SLC25A21: variants seen among roughly 807,000 people sequenced by gnomAD.
SLC25A21 encodes mitochondrial 2-oxodicarboxylate carrier.
SLC25A21 carries 47 observed loss-of-function variants against 43.8 expected under a neutral mutation model. The ratio of observed to expected loss-of-function variants is 1.07; its 90% CI spans 0.85 to 1.37. SLC25A21 has a LOEUF of 1.37. Ranked by LOEUF, SLC25A21 falls within the 40% of genes most tolerant of loss-of-function variation. SLC25A21 has a pLI of 0.00. For synonymous variants in SLC25A21, 131 were observed against 121.3 expected (o/e 1.08, Z -0.52); for missense variants, 352 against 350.2 (o/e 1.00, Z -0.04).
At chr14:37,086,471 T>C (rs1312386995) in intron 1 of SLC25A21, among the ~76,000 whole-genome samples, 4 of 152,176 alleles carry the variant, frequency 2.6e-5, no homozygotes, top group Admixed American at 2.6e-4. Flanking sequence ...TTTGGAACAT[T>C]GTTCCAAAGA....
chr14:36,980,164 T>C (rs1959985986), intron 1 of SLC25A21, among the ~76,000 whole-genome samples: 2 of 152,228 alleles, frequency 1.3e-5, no homozygotes, highest in Non-Finnish European at 1.5e-5. Flanking sequence ...CCTTTCTCTC[T>C]GGCTGCCCTT....
At chr14:36,830,086 G>A (rs935546658) in intron 2 of SLC25A21, among the ~76,000 whole-genome samples, 5 of 152,086 alleles carry the variant, frequency 3.3e-5, no homozygotes, top group African/African-American at 9.7e-5. Context: ...AAAACAATAA[G>A]AGAGAAACCA....
chr14:37,146,234 C>T (rs1459317244), intron 1 of SLC25A21, among the ~76,000 whole-genome samples: 3 of 152,146 alleles, frequency 2.0e-5, no homozygotes, highest in Admixed American at 2.0e-4. Context: ...ATCTTTTAGG[C>T]ACTAGGGATA....
intron 1 of SLC25A21, among the ~76,000 whole-genome samples, chr14:36,949,232 T>C (rs1315993653): frequency 1.3e-5 from 2 of 152,310 alleles, no homozygotes; most frequent in East Asian, 1.9e-4. Flanking sequence ...TCTTTGGAAA[T>C]GTAATACCTA....
At chr14:36,699,102 T>A (rs1279255992) in intron 7 of SLC25A21, among the ~76,000 whole-genome samples, 3 of 152,062 alleles carry the variant, frequency 2.0e-5, no homozygotes, top group Non-Finnish European at 4.4e-5. Context: ...CAGATGGGGT[T>A]TTGGTGTAGA....
chr14:37,074,779 G>A (rs965392251), intron 1 of SLC25A21, among the ~76,000 whole-genome samples: 7 of 152,056 alleles, frequency 4.6e-5, no homozygotes, highest in Non-Finnish European at 7.4e-5. Context: ...CCGAGATCGC[G>A]CCACTGCACT....
At chr14:37,015,759 T>C (rs898910356) in intron 1 of SLC25A21, among the ~76,000 whole-genome samples, 18 of 152,240 alleles carry the variant, frequency 1.2e-4, no homozygotes, top group East Asian at 7.7e-4. Flanking sequence ...TGGTATCTCA[T>C]TGTGGTTTTG....
chr14:36,754,592 G>A (rs1885853257), intron 3 of SLC25A21, among the ~76,000 whole-genome samples: 1 of 152,120 alleles, frequency 6.6e-6, no homozygotes, highest in African/African-American at 2.4e-5. Flanking sequence ...ATATGGGACG[G>A]AAGCCCAGAT....
chr14:37,144,953 TTG>T (rs549376205), intron 1 of SLC25A21, among the ~76,000 whole-genome samples: 532 of 146,460 alleles, frequency 3.6e-3, no homozygotes, highest in Non-Finnish European at 6.1e-3. Context: ...GTTGTTGTTG[TTG>T]TTTGTTTGTT....
chr14:37,047,927 C>T (rs1045364305), intron 1 of SLC25A21, among the ~76,000 whole-genome samples: 1 of 152,124 alleles, frequency 6.6e-6, no homozygotes, highest in Non-Finnish European at 1.5e-5. Flanking sequence ...TTTTATACCA[C>T]TCATAAAAGG....
At chr14:36,728,596 A>G (rs1326248504) in intron 5 of SLC25A21, among the ~76,000 whole-genome samples, 1 of 152,202 alleles carries the variant, frequency 6.6e-6, no homozygotes, top group East Asian at 1.9e-4. Context: ...TGTTATAACA[A>G]AAAGTGATGC....
intron 1 of SLC25A21, among the ~76,000 whole-genome samples, chr14:37,170,372 T>C (rs1416382712): frequency 1.3e-5 from 2 of 152,170 alleles, no homozygotes; most frequent in African/African-American, 4.8e-5. Context: ...AGTTTAGCTG[T>C]GCCTAATACA....
In SLC25A21 at chr14:37,081,269, T is replaced by C. The variant is rs1962382231; in HGVS notation, c.70+91012A>G. Among the ~76,000 whole-genome samples, 2 of 152,214 alleles carry C rather than the reference T, an allele frequency of 1.3e-5. 1 individual carries two copies. Among genetic ancestry groups the C allele is most frequent in the African/African-American group, 4.8e-5 (2 of 41,454 alleles). ...TAATCATCTCTAACACTTGGGTACA[T>C]CTCCCCTAATGTTAGATGTAATATC... On this transcript the variant is annotated intron_variant, in intron 1 of 9. Transcript: ENST00000331299.
intron 1 of SLC25A21, among the ~76,000 whole-genome samples, chr14:37,004,079 C>A (rs559011706): frequency 6.6e-6 from 1 of 152,224 alleles, no homozygotes; most frequent in South Asian, 2.1e-4. Flanking sequence ...ACTACTGCTG[C>A]AAACCACTCT....
chr14:36,944,729 T>C (rs1008959745), intron 1 of SLC25A21, among the ~76,000 whole-genome samples: 2 of 152,206 alleles, frequency 1.3e-5, no homozygotes, highest in African/African-American at 2.4e-5. Flanking sequence ...CATTTTTCCC[T>C]TTCTCACAGT....
intron 1 of SLC25A21, among the ~76,000 whole-genome samples, chr14:37,153,720 T>C (rs1327491503): frequency 6.6e-6 from 1 of 152,158 alleles, no homozygotes; most frequent in Non-Finnish European, 1.5e-5. Context: ...GGCCTAAGGA[T>C]CATCCTGGCC....
intron 4 of SLC25A21, among the ~76,000 whole-genome samples, chr14:36,729,906 C>G (rs1884753825): frequency 6.6e-6 from 1 of 152,192 alleles, no homozygotes; most frequent in African/African-American, 2.4e-5. Flanking sequence ...GACCTGACAT[C>G]TTTGGTCTCC....
chr14:36,792,706 T>C (rs1887532637), intron 3 of SLC25A21, among the ~76,000 whole-genome samples: 1 of 152,202 alleles, frequency 6.6e-6, no homozygotes, highest in Admixed American at 6.5e-5. Flanking sequence ...AATTTTGGTA[T>C]TTAAAACTCT....
intron 1 of SLC25A21, among the ~76,000 whole-genome samples, chr14:37,008,245 G>C (rs1464354882): frequency 6.6e-6 from 1 of 152,070 alleles, no homozygotes; most frequent in Admixed American, 6.6e-5. Flanking sequence ...AATTTTCCAG[G>C]CTTCTTCTTA....
Sources: gnomAD v4.1 joint callset for allele counts (sites outside exome capture counted in the v4.1 genomes callset) on GRCh38, gnomAD v4.1.1 for gene constraint, MANE v1.5 for transcripts, NCBI Gene and HGNC (gene_info 2026-07-23, HGNC 2026-07-21) for gene names.